Variants in PRKG1 observed in about 807,000 individuals in gnomAD.
The protein encoded by PRKG1 is protein kinase cGMP-dependent 1.
A neutral mutation model predicts 88.1 loss-of-function variants in PRKG1; 35 were observed. That is an observed-to-expected ratio of 0.40 (90% CI 0.30 to 0.53). The LOEUF (loss-of-function observed/expected upper bound fraction) is 0.53, where lower values mean the gene tolerates loss of function less well. Among genes scored for constraint, PRKG1 ranks in the 20% least tolerant of loss-of-function variants. The pLI, the probability that PRKG1 is intolerant of heterozygous loss-of-function variation, is 0.59. For missense variants in PRKG1, 540 were observed against 839.8 expected (o/e 0.64, Z 4.41); for synonymous variants, 303 against 292.5 (o/e 1.04, Z -0.37).
chr10:52,245,087 A>C (rs11001343), intron 9 of PRKG1, among the ~76,000 whole-genome samples: 1 of 150,836 alleles, frequency 6.6e-6, no homozygotes. Flanking sequence ...ATCAGGAACA[A>C]TTATCACATA....
intron 3 of PRKG1, among the ~76,000 whole-genome samples, chr10:51,707,429 A>C (rs1233981335): frequency 6.6e-6 from 1 of 152,160 alleles, no homozygotes. Flanking sequence ...TCAAACATAG[A>C]AAGGCATAGC....
chr10:51,714,032 T>G (rs988792637), intron 3 of PRKG1, among the ~76,000 whole-genome samples: 2 of 152,220 alleles, frequency 1.3e-5, no homozygotes, highest in African/African-American at 4.8e-5. Context: ...CAGACTGGAG[T>G]GCAGTGGCAT....
intron 7 of PRKG1, among the ~76,000 whole-genome samples, chr10:52,092,405 T>A (rs1365385199): frequency 1.3e-5 from 2 of 152,156 alleles, no homozygotes; most frequent in Non-Finnish European, 2.9e-5. Flanking sequence ...CTTTTGTGTG[T>A]GTAATATTCC....
chr10:51,677,016 G>A (rs1478495309), intron 3 of PRKG1, among the ~76,000 whole-genome samples: 2 of 151,934 alleles, frequency 1.3e-5, no homozygotes, highest in Non-Finnish European at 2.9e-5. Flanking sequence ...AGCCCCTAAA[G>A]CCCCCTGTAT....
intron 2 of PRKG1, among the ~76,000 whole-genome samples, chr10:51,291,830 T>G (rs1840591066): frequency 6.6e-6 from 1 of 152,178 alleles, no homozygotes; most frequent in Admixed American, 6.6e-5. Flanking sequence ...TAGATATTAT[T>G]TTTCTTACTC....
At chr10:51,205,692 A>C (rs181573142) in intron 2 of PRKG1, among the ~76,000 whole-genome samples, 1 of 150,190 alleles carries the variant, frequency 6.7e-6, no homozygotes, top group East Asian at 2.0e-4. Context: ...CTGCCACCAC[A>C]CTGGCAAATT....
At chr10:51,452,231 A>G (rs974516128) in intron 2 of PRKG1, among the ~76,000 whole-genome samples, 3 of 151,804 alleles carry the variant, frequency 2.0e-5, no homozygotes, top group East Asian at 1.9e-4. Flanking sequence ...GTCATAGGGA[A>G]CTCTAGTCTA....
chr10:51,267,722 G>A (rs369744782), intron 2 of PRKG1, among the ~76,000 whole-genome samples: 7 of 152,128 alleles, frequency 4.6e-5, no homozygotes, highest in East Asian at 1.9e-4. Flanking sequence ...AGATAACATC[G>A]GGAAAACTCT....
At chr10:52,166,528 G>T (rs1323077086) in intron 9 of PRKG1, among the ~76,000 whole-genome samples, 6 of 146,356 alleles carry the variant, frequency 4.1e-5, no homozygotes, top group Admixed American at 6.8e-5. Flanking sequence ...CCGCCTCCCG[G>T]GTTCACACCA....
chr10:51,958,629 A>G (rs955371283), intron 5 of PRKG1, among the ~76,000 whole-genome samples: 3 of 148,768 alleles, frequency 2.0e-5, no homozygotes, highest in Admixed American at 6.8e-5. Flanking sequence ...GAGTGTTGGA[A>G]GGGAAGAAGC....
At chr10:51,138,242 G>A (rs776301431) in intron 1 of PRKG1, among the ~76,000 whole-genome samples, 30 of 152,046 alleles carry the variant, frequency 2.0e-4, no homozygotes, top group Non-Finnish European at 3.2e-4. Flanking sequence ...TTGCTTTACT[G>A]GTATTTAGAA....
At chr10:51,447,761 A>AT (rs1839318260) in intron 2 of PRKG1, among the ~76,000 whole-genome samples, 1 of 151,982 alleles carries the variant, frequency 6.6e-6, no homozygotes, top group Non-Finnish European at 1.5e-5. Context: ...GGAAGTCATA[A>AT]CTAACCCAGT....
At chr10:51,336,178 C>A (rs1019844621) in intron 2 of PRKG1, among the ~76,000 whole-genome samples, 3 of 151,848 alleles carry the variant, frequency 2.0e-5, no homozygotes, top group Non-Finnish European at 2.9e-5. Flanking sequence ...CATGGAGAAA[C>A]CCCATCTCTA....
chr10:51,724,343 G>A (rs1407840280), intron 3 of PRKG1, among the ~76,000 whole-genome samples: 1 of 152,084 alleles, frequency 6.6e-6, no homozygotes, highest in Non-Finnish European at 1.5e-5. Flanking sequence ...ACTATTCTTG[G>A]TTAGGGATTT....
intron 14 of PRKG1, among the ~76,000 whole-genome samples, chr10:52,283,632 AT>A (rs1842049887): frequency 6.6e-6 from 1 of 152,170 alleles, no homozygotes; most frequent in African/African-American, 2.4e-5. Flanking sequence ...ACATAATCCA[AT>A]TTTGTTCAGT....
chr10:52,143,474 A>C (rs1436221112), intron 8 of PRKG1, among the ~76,000 whole-genome samples: 3 of 152,140 alleles, frequency 2.0e-5, no homozygotes. Flanking sequence ...TGTGGGGTGA[A>C]AATCACCCCC....
chr10:51,644,425 A>T (rs929779051), intron 3 of PRKG1, among the ~76,000 whole-genome samples: 3 of 152,138 alleles, frequency 2.0e-5, no homozygotes, highest in Non-Finnish European at 4.4e-5. Context: ...CAAATTCTTG[A>T]TTTATTACCT....
At chr10:51,190,434 AT>A (rs1246694850) in intron 2 of PRKG1, among the ~76,000 whole-genome samples, 61 of 151,866 alleles carry the variant, frequency 4.0e-4, no homozygotes, top group Non-Finnish European at 1.5e-4. Flanking sequence ...AGCAAGGTAG[AT>A]GGGTACTAAT....
intron 5 of PRKG1, among the ~76,000 whole-genome samples, chr10:51,962,495 T>A (rs1478524399): frequency 6.6e-6 from 1 of 152,172 alleles, no homozygotes; most frequent in Non-Finnish European, 1.5e-5. Flanking sequence ...TCTTTTCTTT[T>A]CTTTTTAAAG....
Sources: gnomAD v4.1 joint callset for allele counts (sites outside exome capture counted in the v4.1 genomes callset) on GRCh38, gnomAD v4.1.1 for gene constraint, MANE v1.5 for transcripts, NCBI Gene and HGNC (gene_info 2026-07-23, HGNC 2026-07-21) for gene names.